The following FAM161B variants were observed in gnomAD, a reference collection of about 807,000 sequenced individuals.
FAM161B encodes protein FAM161B.
A neutral mutation model predicts 61.5 loss-of-function variants in FAM161B; 46 were observed. The observed-to-expected ratio is 0.75, with a 90% CI of 0.59 to 0.96. The LOEUF (loss-of-function observed/expected upper bound fraction) is 0.96. Ranked by LOEUF, FAM161B falls within the 40% of genes least tolerant of loss-of-function variation. The probability of loss-of-function intolerance (pLI) is 0.00; values close to 1 mark genes in which losing one functional copy is unlikely to be tolerated. For synonymous variants in FAM161B, 284 were observed against 302.7 expected, an observed-to-expected ratio of 0.94 and a Z score of 0.64; for missense variants, 774 against 800.7, an observed-to-expected ratio of 0.97 and a Z score of 0.40.
intron 5 of FAM161B, among the ~76,000 whole-genome samples, chr14:73,939,396 GCTC>G (rs1259548525): frequency 6.6e-6 from 1 of 152,162 alleles, no homozygotes; most frequent in Non-Finnish European, 1.5e-5. Context: ...CATTTACTGA[GCTC>G]CTTATTATGA....
At chr14:73,946,663 C>T (rs2140350324) in intron 1 of FAM161B, 58 bp from the exon 2 acceptor site, 1 of 1,547,444 alleles carries the variant, frequency 6.5e-7, no homozygotes, top group African/African-American at 1.4e-5. Flanking sequence ...GTATTCAAAT[C>T]ATAACTTAAT....
chr14:73,931,348 A>G (rs1001389008), downstream of FAM161B, among the ~76,000 whole-genome samples: 1 of 152,172 alleles, frequency 6.6e-6, no homozygotes, highest in Admixed American at 6.5e-5. Context: ...AGTGACATCT[A>G]TCAGTCCGTG....
chr14:73,939,431 C>T (rs1232407111), intron 5 of FAM161B, among the ~76,000 whole-genome samples: 1 of 152,224 alleles, frequency 6.6e-6, no homozygotes, highest in East Asian at 1.9e-4. Flanking sequence ...TTACATTTCA[C>T]ATTGTCCTCA....
At chr14:73,925,343 TA>T in the FAM161B span, among the ~76,000 whole-genome samples, 1 of 152,144 alleles carries the variant, frequency 6.6e-6, no homozygotes, top group Non-Finnish European at 1.5e-5. Context: ...ATTTTCAGAG[TA>T]CAGTGAGAGA....
At position 73,943,470 on chromosome 14, in the gene FAM161B, GCTC is replaced by G. The variant is rs143974052; in HGVS notation, c.926-758_926-756del. On this transcript the variant is annotated intron_variant, in intron 3 of 8. Transcript: ENST00000286544. The stretch of plus-strand genomic sequence containing the variant: ...CAGACTCGCCAACGTGGCTTGCAAA[GCTC>G]CTCATGTCTGGCCCATGCCTGCCTC... Among the ~76,000 whole-genome samples, 841 of 152,242 alleles carry G rather than the reference GCTC, an allele frequency of 5.5e-3. 8 individuals are homozygous for G. The highest frequency in any genetic ancestry group is 0.019 in the African/African-American group (776 of 41,542).
chr14:73,937,812 T>C (rs1376817744), intron 6 of FAM161B, 111 bp from the exon 7 acceptor site: 1 of 1,546,476 alleles, frequency 6.5e-7, no homozygotes. Flanking sequence ...CCTATCTGAC[T>C]TGGAAAATCA....
At chr14:73,929,221 C>T (rs963117518), downstream of FAM161B, among the ~76,000 whole-genome samples, 1 of 151,906 alleles carries the variant, frequency 6.6e-6, no homozygotes, top group African/African-American at 2.4e-5. Flanking sequence ...TTATCCCCTC[C>T]TTTTCTTTCT....
At chr14:73,937,914 C>T (rs1317068231) in intron 6 of FAM161B, 34 bp downstream of exon 6, 2 of 1,611,826 alleles carry the variant, frequency 1.2e-6, no homozygotes, top group Non-Finnish European at 1.7e-6. Context: ...GATCCCAAGG[C>T]AAGCACCCCT....
intron 5 of FAM161B, among the ~76,000 whole-genome samples, chr14:73,940,279 G>C (rs1303459248): frequency 6.6e-6 from 1 of 152,130 alleles, no homozygotes; most frequent in Admixed American, 6.5e-5. Context: ...AAATAAGCAG[G>C]CTCTTGCTGC....
chr14:73,926,094 T>G, the FAM161B span, among the ~76,000 whole-genome samples: 3 of 152,212 alleles, frequency 2.0e-5, no homozygotes, highest in African/African-American at 7.2e-5. Flanking sequence ...CTCCTTTTGT[T>G]GTTGTTGCTG....
At chr14:73,941,147 T>C in intron 4 of FAM161B, 94 bp from the exon 5 acceptor site, 1 of 1,381,594 alleles carries the variant, frequency 7.2e-7, no homozygotes, top group Non-Finnish European at 9.5e-7. Flanking sequence ...GAGTCTCGTC[T>C]CGCTCTTTTG....
At position 73,938,101 on chromosome 14, in the gene FAM161B, T is replaced by C. The variant is rs760214786; in HGVS notation, c.1412A>G (p.Glu471Gly). 6.2e-7 allele frequency: 1 copy of C among 1,614,136 alleles called. No homozygotes were observed. The highest frequency in any genetic ancestry group is 1.7e-5 in the Admixed American group (1 of 60,014). The change falls in exon 6 of 9, where the codon GAA becomes GGA. Residue 471 changes from glutamate to glycine, a missense_variant. By Grantham distance (98) the Glu-to-Gly change is moderately conservative. Coordinates refer to ENST00000286544, the MANE Select transcript of FAM161B (RefSeq NM_152445.3). ...KRESAVRSAL[E>G]KKNKADESIQ... ...ACTCTCATCTGCTTTGTTCTTTTTT[T>C]CAAGTGCACTTCTAAAGGAAGGAGG...
At chr14:73,945,399 T>C (rs1301928516) in intron 2 of FAM161B, among the ~76,000 whole-genome samples, 1 of 152,208 alleles carries the variant, frequency 6.6e-6, no homozygotes. Context: ...GGAAAGTGTA[T>C]TTAGGAAATG....
rs2055981758 is a variant in FAM161B, at chr14:73,937,693, T to C, written c.1574A>G (p.Asp525Gly). 4 of 1,612,704 alleles carry C rather than the reference T, an allele frequency of 2.5e-6. No individual in the cohort carries two copies. The East Asian group carries it at 8.9e-5, about 36-fold the overall frequency. Residue 525 changes from aspartate (D) to glycine (G), a missense_variant, in exon 7 of 9, where the codon GAC (aspartate) becomes GGC (glycine). Transcript: ENST00000286544. ...KAKLKENRNNDRKRAKEYKKE... is the reference protein window; with the variant it reads ...KAKLKENRNNGRKRAKEYKKE... ...CTTATATTCTTTCGCTCTTTTACGG[T>C]CATTGTTCCTGGAATTAGCAAGACT...
chr14:73,937,933 A>G lies in FAM161B; in HGVS notation c.1565+15T>C, dbSNP rs1231912339. On this transcript the variant is annotated intron_variant, in intron 6 of 8. Coordinates refer to ENST00000286544, the MANE Select transcript of FAM161B (RefSeq NM_152445.3). ...CCAAGGCAAGCACCCCTTTTGACAC[A>G]TAGAGGACACTGACCGGTTCTCTTT... The G allele has an allele frequency of 7.4e-6, 12 of 1,614,094 alleles. No homozygotes were observed. Among genetic ancestry groups the G allele is most frequent in the Non-Finnish European group, 9.3e-6 (11 of 1,180,000 alleles).
intron 5 of FAM161B, among the ~76,000 whole-genome samples, chr14:73,939,660 T>A (rs1354640924): frequency 6.6e-6 from 1 of 152,206 alleles, no homozygotes; most frequent in Non-Finnish European, 1.5e-5. Flanking sequence ...AATACAAATC[T>A]GCACATTCAG....
At chr14:73,926,048 C>T in the FAM161B span, among the ~76,000 whole-genome samples, 1 of 151,972 alleles carries the variant, frequency 6.6e-6, no homozygotes, top group Non-Finnish European at 1.5e-5. Flanking sequence ...GACAAAAACA[C>T]AATTAACTTT....
chr14:73,942,464 G>A lies in FAM161B; in HGVS notation c.1177C>T (p.Gln393Ter). The change falls in exon 4 of 9, where the codon CAA becomes TAA. Residue 393 changes from glutamine (Q) to a stop codon, truncating the protein, a stop_gained. Coordinates refer to ENST00000286544, the MANE Select transcript of FAM161B (RefSeq NM_152445.3). LOFTEE classifies it high-confidence loss of function. Reference protein sequence around the residue: ...QRRAAKRRETQEATRNKPFLL... With the variant: ...QRRAAKRRET ...AAGGGCTTGTTGCGAGTGGCCTCTT[G>A]GGTTTCTCTTCTTTTGGCTGCTCTT... The A allele has an allele frequency of 3.1e-6, 5 of 1,614,192 alleles. No individual in the cohort carries two copies. Among genetic ancestry groups the A allele is most frequent in the Non-Finnish European group, 4.2e-6 (5 of 1,180,038 alleles).
rs1388257415 is a variant in FAM161B at position 73,935,970 on chromosome 14, G to T, written c.1784C>A (p.Thr595Asn). The change falls in exon 8 of 9, where the codon ACC becomes AAC. Residue 595 changes from threonine (T) to asparagine (N), a missense_variant. Coordinates refer to ENST00000286544, the MANE Select transcript of FAM161B (RefSeq NM_152445.3). ...TTACCTGGGAAAATCCTTGATTTTGGTCTCTTTCTCTTGAACAGCCCGGGT... is the reference window on the plus strand; with the variant it reads ...TTACCTGGGAAAATCCTTGATTTTGTTCTCTTTCTCTTGAACAGCCCGGGT... Reference protein sequence around the residue: ...QGTRAVQEKETKIKDFPRFQE... With the variant: ...QGTRAVQEKENKIKDFPRFQE... The T allele has an allele frequency of 6.2e-7, 1 of 1,610,668 alleles. No homozygotes were observed. Among genetic ancestry groups the T allele is most frequent in the Non-Finnish European group, 8.5e-7 (1 of 1,178,106 alleles).
Sources: gnomAD v4.1 joint callset for allele counts (sites outside exome capture counted in the v4.1 genomes callset) on GRCh38, gnomAD v4.1.1 for gene constraint, MANE v1.5 for transcripts, NCBI Gene and HGNC (gene_info 2026-07-23, HGNC 2026-07-21) for gene names.